Variants in UNC80 observed in about 807,000 individuals in gnomAD.
UNC80 encodes the protein unc-80 subunit of NALCN channel complex.
In UNC80, 164 loss-of-function variants were observed where a neutral mutation model predicts 384.6. The observed-to-expected ratio is 0.43, with a 90% CI of 0.38 to 0.49. The LOEUF (loss-of-function observed/expected upper bound fraction) is 0.49. UNC80 is among the 20% of genes least tolerant of loss of function. The pLI is 0.00. For missense variants in UNC80, 3,330 were observed against 4,143.0 expected, an observed-to-expected ratio of 0.80 and a Z score of 5.39; for synonymous variants, 1,486 against 1,527.8, an observed-to-expected ratio of 0.97 and a Z score of 0.64.
chr2:209,915,584 T>A (rs1386313216), intron 31 of UNC80, among the ~76,000 whole-genome samples: 1 of 152,088 alleles, frequency 6.6e-6, no homozygotes, highest in Non-Finnish European at 1.5e-5. Context: ...ATGACAGGCT[T>A]ATGATTGTGG....
At chr2:209,880,203 C>T (rs551881552) in intron 24 of UNC80, among the ~76,000 whole-genome samples, 1 of 152,108 alleles carries the variant, frequency 6.6e-6, no homozygotes, top group African/African-American at 2.4e-5. Flanking sequence ...TTAAAAAAAT[C>T]ACTATGGTGT....
intron 8 of UNC80, 84 bp from the exon 9 acceptor site, chr2:209,815,172 TC>T: frequency 7.3e-7 from 1 of 1,363,506 alleles, no homozygotes; most frequent in Non-Finnish European, 9.9e-7. Flanking sequence ...TATAGGCGCA[TC>T]CCTATTAAAA....
At chr2:209,772,922 G>T (rs1023968028) in intron 1 of UNC80, among the ~76,000 whole-genome samples, 172 bp from the exon 2 acceptor site, 2 of 152,114 alleles carry the variant, frequency 1.3e-5, no homozygotes, top group African/African-American at 4.8e-5. Flanking sequence ...AATTACACGT[G>T]TAAAAGAAAA....
In UNC80 at chr2:209,817,924, C is replaced by T. The variant is rs1231604740; in HGVS notation, c.1665C>T (p.Asn555=). ...TLVSDLPDPS[N]SHGENTVKEV... is the part of the protein sequence containing the mutation. Reference sequence around the variant, plus strand: ...TAAGCGACCTGCCGGACCCCTCCAACAGCCATGGAGAAAACACCGTCAAGG... The same window carrying T: ...TAAGCGACCTGCCGGACCCCTCCAATAGCCATGGAGAAAACACCGTCAAGG... Residue 555 remains asparagine (N), a synonymous_variant, in exon 11 of 65, where the codon AAC becomes AAT. Coordinates refer to ENST00000673920, the MANE Select transcript of UNC80 (RefSeq NM_001371986.1). The T allele has an allele frequency of 1.9e-6, 3 of 1,551,586 alleles. No individual in the cohort carries two copies. Among genetic ancestry groups the T allele is most frequent in the Non-Finnish European group, 2.6e-6 (3 of 1,147,010 alleles).
intron 14 of UNC80, among the ~76,000 whole-genome samples, chr2:209,826,477 T>C (rs2080529284): frequency 6.6e-6 from 1 of 152,190 alleles, no homozygotes; most frequent in Non-Finnish European, 1.5e-5. Flanking sequence ...CCTGGTTTGT[T>C]GTCCTGCCTA....
At chr2:209,861,845 T>G (rs576807696) in intron 22 of UNC80, among the ~76,000 whole-genome samples, 6 of 152,212 alleles carry the variant, frequency 3.9e-5, no homozygotes, top group Non-Finnish European at 7.3e-5. Context: ...TATTCTCTGA[T>G]GGTAGTTTGT....
chr2:209,815,213 G>C (rs766075512), intron 8 of UNC80, 44 bp from the exon 9 acceptor site: 1 of 1,533,178 alleles, frequency 6.5e-7, no homozygotes, highest in Admixed American at 2.1e-5. Flanking sequence ...ACAGTATTTG[G>C]ATGTAAAGTC....
At position 209,918,530 on chromosome 2, in the gene UNC80, A is replaced by G. The variant is rs2089752346; in HGVS notation, c.5212-2A>G. The G allele has an allele frequency of 6.4e-7, 1 of 1,551,862 alleles. No homozygotes were observed. Among genetic ancestry groups the G allele is most frequent in the Non-Finnish European group, 8.7e-7 (1 of 1,146,834 alleles). On this transcript the variant is annotated splice_acceptor_variant, in intron 32 of 64. Coordinates refer to ENST00000673920, the MANE Select transcript of UNC80 (RefSeq NM_001371986.1). LOFTEE classifies it high-confidence loss of function. ...CCTAATTTTTCTGATGTCAACTAACAGATTCCGCCTCCCAGTATCAATTTC... is the reference window on the plus strand; with the variant it reads ...CCTAATTTTTCTGATGTCAACTAACGGATTCCGCCTCCCAGTATCAATTTC...
intron 22 of UNC80, among the ~76,000 whole-genome samples, chr2:209,859,956 T>G (rs903687871): frequency 4.6e-5 from 7 of 152,242 alleles, no homozygotes; most frequent in Non-Finnish European, 7.3e-5. Context: ...TGCAAAAATT[T>G]TCTCCCATTC....
At position 209,939,105 on chromosome 2, in the gene UNC80, T is replaced by C. The variant is rs182572031; in HGVS notation, c.6466-367T>C. Reference sequence around the variant, plus strand: ...AAACAGCTTCAGGCATTGGTGGCAATGGAACTGACTGACTCACTGACCCTG... The same window carrying C: ...AAACAGCTTCAGGCATTGGTGGCAACGGAACTGACTGACTCACTGACCCTG... On this transcript the variant is annotated intron_variant, in intron 42 of 64. Transcript: ENST00000673920. Among the ~76,000 whole-genome samples, 343 of 152,242 alleles carry C rather than the reference T, an allele frequency of 2.3e-3. 1 individual carries two copies. Among genetic ancestry groups the C allele is most frequent in the African/African-American group, 8.0e-3 (332 of 41,538 alleles).
Position 209,839,270 on chromosome 2 carries a change from T to A in UNC80, c.3090T>A (p.Arg1030=), listed in dbSNP as rs1258411947. The change falls in exon 19 of 65, where the codon CGT becomes CGA. Residue 1030 remains arginine, a synonymous_variant. Transcript: ENST00000673920. The surrounding 1 kb of genome is among the most constrained non-coding windows in gnomAD (Gnocchi z 4.1). ...GANLGRKDFW[R]KMFKSQSAAS... is the part of the protein sequence containing the mutation. ...ACTTGGGGCGGAAAGATTTCTGGCGTAAGATGTTCAAGTCCCAGAGTGCAG... is the reference window on the plus strand; with the variant it reads ...ACTTGGGGCGGAAAGATTTCTGGCGAAAGATGTTCAAGTCCCAGAGTGCAG... 6.4e-7 allele frequency: 1 copy of A among 1,551,610 alleles called. No homozygotes were observed. Among genetic ancestry groups the A allele is most frequent in the Non-Finnish European group, 8.7e-7 (1 of 1,146,988 alleles).
At chr2:209,970,717 A>G in intron 53 of UNC80, 115 bp from the exon 54 acceptor site, 1 of 1,299,440 alleles carries the variant, frequency 7.7e-7, no homozygotes. Flanking sequence ...ATTGAAAGTA[A>G]CATGTCCAAC....
chr2:209,984,987 T>TAGA, intron 61 of UNC80, 75 bp downstream of exon 61: 1 of 1,263,770 alleles, frequency 7.9e-7, no homozygotes, highest in East Asian at 2.6e-5. Flanking sequence ...TCTGTCTCTC[T>TAGA]GTCTTCTCTG....
Position 209,976,216 on chromosome 2 carries a change from A to G in UNC80, c.8685A>G (p.Gly2895=), listed in dbSNP as rs1575197361. 3 of 1,551,638 alleles carry G rather than the reference A, an allele frequency of 1.9e-6. No individual in the cohort carries two copies. Among genetic ancestry groups the G allele is most frequent in the East Asian group, 2.4e-5 (1 of 40,906 alleles). The change falls in exon 57 of 65, where the codon GGA becomes GGG. Residue 2895 remains glycine, a synonymous_variant. Coordinates refer to ENST00000673920, the MANE Select transcript of UNC80 (RefSeq NM_001371986.1). The surrounding 1 kb of genome is among the most constrained non-coding windows in gnomAD (Gnocchi z 4.3). ...QVKEMALRKV[G]GLALWDFLDF... is the part of the protein sequence containing the mutation. ...AGGAGATGGCTCTGCGGAAGGTGGG[A>G]GGCCTGGCCCTTTGGGATTTCCTCG...
intron 7 of UNC80, among the ~76,000 whole-genome samples, chr2:209,797,782 T>C (rs1428169821): frequency 6.6e-6 from 1 of 152,220 alleles, no homozygotes; most frequent in Non-Finnish European, 1.5e-5. Context: ...ACCAACAGTG[T>C]AAAAGCATTC....
At chr2:209,903,378 T>G (rs2087666473) in intron 28 of UNC80, among the ~76,000 whole-genome samples, 1 of 123,606 alleles carries the variant, frequency 8.1e-6, no homozygotes, top group Non-Finnish European at 1.6e-5. Flanking sequence ...CTGCAGGAAA[T>G]TGTGTATATA....
intron 64 of UNC80, 47 bp downstream of exon 64, chr2:209,994,311 C>A: frequency 6.8e-7 from 1 of 1,473,490 alleles, no homozygotes; most frequent in East Asian, 2.5e-5. Flanking sequence ...TGTGTACTTA[C>A]TTCTAGCAGC....
intron 21 of UNC80, among the ~76,000 whole-genome samples, chr2:209,848,260 ATTC>A (rs1270950160): frequency 1.3e-5 from 2 of 151,984 alleles, no homozygotes; most frequent in African/African-American, 4.8e-5. Flanking sequence ...CCACCATCAG[ATTC>A]TTCTCATGGT....
At chr2:209,949,566 C>T (rs1014615433) in intron 47 of UNC80, among the ~76,000 whole-genome samples, 2 of 152,082 alleles carry the variant, frequency 1.3e-5, no homozygotes, top group Non-Finnish European at 2.9e-5. Flanking sequence ...CAACCTCTGC[C>T]TCCTGGGTTC....
Sources: gnomAD v4.1 joint callset for allele counts (sites outside exome capture counted in the v4.1 genomes callset) on GRCh38, gnomAD v4.1.1 for gene constraint, Gnocchi (gnomAD v3.1) non-coding constraint, MANE v1.5 for transcripts, NCBI Gene and HGNC (gene_info 2026-07-23, HGNC 2026-07-21) for gene names.